Variants in APLF observed in about 807,000 individuals in gnomAD.
The protein encoded by APLF is aprataxin and PNKP like factor.
In APLF, 61 loss-of-function variants were observed where a neutral mutation model predicts 55.6. The ratio of observed to expected loss-of-function variants is 1.10; its 90% confidence interval spans 0.89 to 1.36. The LOEUF is 1.36. Among genes scored for constraint, APLF ranks in the 40% most tolerant of loss-of-function variants. APLF has a pLI of 0.00. For synonymous variants in APLF, 207 were observed against 214.8 expected (o/e 0.96, Z 0.32); for missense variants, 611 against 602.5 (o/e 1.01, Z -0.15).
chr2:68,507,922 A>G (rs1676918148), intron 3 of APLF, among the ~76,000 whole-genome samples: 2 of 151,860 alleles, frequency 1.3e-5, no homozygotes, highest in South Asian at 2.1e-4. Flanking sequence ...TGTAGATTCC[A>G]TATAAATAAC....
At chr2:68,518,796 ATAATCTATCATATAATAAAATATTAG>A (rs1669770184) in intron 5 of APLF, among the ~76,000 whole-genome samples, 33 of 20,416 alleles carry the variant, frequency 1.6e-3, no homozygotes, top group South Asian at 4.8e-3. Flanking sequence ...TAAAATATTA[ATAATCTATCATATAATAAAATATTAG>A]TAATATATCA....
intron 5 of APLF, among the ~76,000 whole-genome samples, chr2:68,524,250 A>G (rs1460636821): frequency 3.9e-5 from 6 of 152,218 alleles, no homozygotes; most frequent in South Asian, 2.1e-4. Context: ...ATTTAGATTC[A>G]TGATGAATAT....
chr2:68,505,004 C>T lies in APLF; in HGVS notation c.341+2101C>T, dbSNP rs187052045. Among the ~76,000 whole-genome samples, 355 of 151,986 alleles carry T rather than the reference C, an allele frequency of 2.3e-3. 2 individuals carry two copies. The highest frequency in any genetic ancestry group is 8.1e-3 in the African/African-American group (337 of 41,504). ...TAAGGGTGCAGATTATGTGGGTGTA[C>T]GCATTTGTCAAAACTAATCAAATTT... On this transcript the variant is annotated intron_variant, in intron 3 of 9. Transcript: ENST00000303795.
chr2:68,470,521 G>A (rs543585859), intron 1 of APLF, among the ~76,000 whole-genome samples: 2 of 152,298 alleles, frequency 1.3e-5, no homozygotes, highest in East Asian at 1.9e-4. Context: ...TCAACTACAT[G>A]TGAATCTACC....
chr2:68,467,641 C>G lies in APLF; in HGVS notation c.-91C>G. ...GAGGCCCTCCCTCGGTGTTTTTTCC[C>G]AGGGCGTGGGCTTGCCCCGCGCGTG... On this transcript the variant is annotated 5_prime_UTR_variant, in exon 1 of 10. Coordinates refer to ENST00000303795, the MANE Select transcript of APLF (RefSeq NM_173545.3). 9.1e-7 allele frequency: 1 copy of G among 1,097,244 alleles called. No individual in the cohort carries two copies. The highest frequency in any genetic ancestry group is 1.2e-6 in the Non-Finnish European group (1 of 863,226). The allele number at this position is 1,097,244 out of a possible 1,614,324, so 68.0% of individuals were successfully genotyped here.
intron 7 of APLF, among the ~76,000 whole-genome samples, chr2:68,543,318 G>T (rs1243708365): frequency 6.6e-6 from 1 of 152,098 alleles, no homozygotes; most frequent in Non-Finnish European, 1.5e-5. Flanking sequence ...TGTTAAGATG[G>T]TAAATTTTAT....
At chr2:68,528,962 G>A in intron 6 of APLF, 5 of 1,526,862 alleles carry the variant, frequency 3.3e-6, no homozygotes, top group Non-Finnish European at 4.4e-6. Flanking sequence ...CTGCTCCTGG[G>A]TCTGTACCTG....
At position 68,467,696 on chromosome 2, in the gene APLF, C is replaced by T. The variant is rs1049253589; in HGVS notation, c.-36C>T. 69 of 1,230,206 alleles carry T rather than the reference C, an allele frequency of 5.6e-5. No homozygotes were observed. The highest frequency in any genetic ancestry group is 6.4e-5 in the Non-Finnish European group (63 of 984,108). The allele number at this position is 1,230,206 out of a possible 1,614,324, so 76.2% of individuals were successfully genotyped here. On this transcript the variant is annotated 5_prime_UTR_variant, in exon 1 of 10. Transcript: ENST00000303795. Reference sequence around the variant, plus strand: ...TGGAGGGCGGAAACAGCGGAGGGGCCAGTCTCCTGGCGAAGGGGCCTAATC... The same window carrying T: ...TGGAGGGCGGAAACAGCGGAGGGGCTAGTCTCCTGGCGAAGGGGCCTAATC...
intron 8 of APLF, among the ~76,000 whole-genome samples, chr2:68,553,580 A>C (rs1330942213): frequency 6.6e-6 from 1 of 152,128 alleles, no homozygotes; most frequent in African/African-American, 2.4e-5. Context: ...GTGAGTTTTC[A>C]TGCATATGCA....
At chr2:68,514,727 AG>A (rs1280444313) in intron 5 of APLF, among the ~76,000 whole-genome samples, 1 of 151,758 alleles carries the variant, frequency 6.6e-6, no homozygotes, top group African/African-American at 2.4e-5. Flanking sequence ...TAAACCAGTA[AG>A]GTTGCAGCTT....
intron 2 of APLF, among the ~76,000 whole-genome samples, chr2:68,493,636 TAAAG>T (rs961281576): frequency 2.4e-4 from 36 of 152,272 alleles, no homozygotes; most frequent in African/African-American, 7.7e-4. Flanking sequence ...TGCATTGACA[TAAAG>T]AAATACCTGA....
At chr2:68,552,563 A>G (rs1670895280) in intron 8 of APLF, among the ~76,000 whole-genome samples, 1 of 152,160 alleles carries the variant, frequency 6.6e-6, no homozygotes, top group Admixed American at 6.6e-5. Context: ...TTTACAGCCT[A>G]TCAGGCTTTT....
intron 3 of APLF, among the ~76,000 whole-genome samples, chr2:68,512,175 A>C (rs746588178): frequency 2.0e-5 from 3 of 151,596 alleles, no homozygotes; most frequent in South Asian, 2.1e-4. Flanking sequence ...CATTTCCCCA[A>C]ATGTTCTCTC....
At chr2:68,494,035 G>A (rs1471122806) in intron 2 of APLF, among the ~76,000 whole-genome samples, 1 of 151,786 alleles carries the variant, frequency 6.6e-6, no homozygotes, top group Non-Finnish European at 1.5e-5. Flanking sequence ...ATGAACCCAG[G>A]AGGCGGAGCT....
chr2:68,559,417 A>T (rs1671106427), intron 8 of APLF, among the ~76,000 whole-genome samples: 1 of 152,132 alleles, frequency 6.6e-6, no homozygotes, highest in South Asian at 2.1e-4. Flanking sequence ...AATGGTTCAG[A>T]TACATATGTT....
intron 8 of APLF, among the ~76,000 whole-genome samples, chr2:68,556,663 G>A (rs1376599681): frequency 6.6e-6 from 1 of 152,210 alleles, no homozygotes; most frequent in African/African-American, 2.4e-5. Context: ...CCAACTTGGT[G>A]TAAGAATGTA....
chr2:68,483,435 G>A (rs534919620), intron 1 of APLF, among the ~76,000 whole-genome samples: 18 of 152,270 alleles, frequency 1.2e-4, no homozygotes, highest in South Asian at 4.1e-4. Context: ...TCCTGCTTTT[G>A]TGCTCCACAG....
chr2:68,513,755 A>G, intron 5 of APLF, 75 bp downstream of exon 5: 4 of 1,515,220 alleles, frequency 2.6e-6, no homozygotes, highest in Non-Finnish European at 3.6e-6. Flanking sequence ...CTGAAGAAAA[A>G]CTATAAACTA....
intron 9 of APLF, among the ~76,000 whole-genome samples, chr2:68,576,884 T>G (rs1671639344): frequency 1.3e-5 from 2 of 152,190 alleles, no homozygotes; most frequent in Non-Finnish European, 2.9e-5. Flanking sequence ...GCCATTCAGA[T>G]TTCTAGATGA....
Sources: allele counts gnomAD v4.1 joint callset (sites outside exome capture counted in the v4.1 genomes callset), GRCh38; gene constraint gnomAD v4.1.1; transcripts MANE v1.5; gene names NCBI Gene and HGNC (gene_info 2026-07-23, HGNC 2026-07-21).